DENND2A: variants seen among roughly 807,000 people sequenced by gnomAD.
DENND2A encodes DENN domain containing 2A.
A neutral mutation model predicts 105.3 loss-of-function variants in DENND2A; 53 were observed. The observed-to-expected ratio is 0.50, with a 90% CI of 0.40 to 0.63. The LOEUF (loss-of-function observed/expected upper bound fraction) is 0.63, where lower values mean the gene tolerates loss of function less well. Among genes scored for constraint, DENND2A ranks in the 30% least tolerant of loss-of-function variants. The pLI, the probability that DENND2A is intolerant of heterozygous loss-of-function variation, is 0.00. For missense variants in DENND2A, 1,138 were observed against 1,279.6 expected (o/e 0.89, Z 1.69); for synonymous variants, 522 against 508.4 (o/e 1.03, Z -0.36).
intron 1 of DENND2A, among the ~76,000 whole-genome samples, chr7:140,636,905 G>A (rs904195883): frequency 2.0e-5 from 3 of 151,994 alleles, no homozygotes; most frequent in Non-Finnish European, 4.4e-5. Flanking sequence ...CTGTCGCCCA[G>A]GCTGGAATGT....
chr7:140,524,145 G>T (rs1020119351), intron 16 of DENND2A, among the ~76,000 whole-genome samples: 3 of 152,138 alleles, frequency 2.0e-5, no homozygotes, highest in South Asian at 2.1e-4. Flanking sequence ...GAGGGTCTTG[G>T]GAAGGGCCTA....
chr7:140,636,934 C>T (rs886883612), intron 1 of DENND2A, among the ~76,000 whole-genome samples: 3 of 152,040 alleles, frequency 2.0e-5, no homozygotes, highest in African/African-American at 7.2e-5. Context: ...AATCTTGGCT[C>T]ATGCAACCTC....
chr7:140,628,988 TAAA>T (rs1554483727), intron 1 of DENND2A, among the ~76,000 whole-genome samples: 1 of 152,082 alleles, frequency 6.6e-6, no homozygotes, highest in Non-Finnish European at 1.5e-5. Context: ...AAGCTAGAGA[TAAA>T]AGATATAAAC....
intron 1 of DENND2A, 88 bp from the exon 2 acceptor site, chr7:140,605,894 A>G (rs1799671395): frequency 6.6e-6 from 1 of 152,152 alleles, no homozygotes. Context: ...ACTCCAAACT[A>G]TTTATTCCTG....
At chr7:140,592,574 A>C (rs1799104599) in intron 3 of DENND2A, among the ~76,000 whole-genome samples, 1 of 146,716 alleles carries the variant, frequency 6.8e-6, no homozygotes. Context: ...TGAACTCCTG[A>C]CCTCAGGTGA....
intron 14 of DENND2A, 129 bp downstream of exon 14, chr7:140,544,489 C>A (rs1796811062): frequency 7.9e-7 from 1 of 1,263,376 alleles, no homozygotes; most frequent in African/African-American, 1.5e-5. Context: ...GTCACCGCGC[C>A]CAGCCTATTC....
intron 3 of DENND2A, among the ~76,000 whole-genome samples, chr7:140,592,078 GC>G (rs1799076915): frequency 7.5e-6 from 1 of 133,336 alleles, no homozygotes; most frequent in Non-Finnish European, 1.6e-5. Flanking sequence ...CGCTCTTGAC[GC>G]CCAGGCTCTT....
At chr7:140,588,824 C>T (rs1007777787) in intron 3 of DENND2A, among the ~76,000 whole-genome samples, 3 of 148,060 alleles carry the variant, frequency 2.0e-5, no homozygotes, top group Non-Finnish European at 4.4e-5. Flanking sequence ...ATCACTGCAA[C>T]CTCTGCCTCC....
At chr7:140,525,126 G>C (rs549604410) in intron 16 of DENND2A, among the ~76,000 whole-genome samples, 3 of 149,908 alleles carry the variant, frequency 2.0e-5, no homozygotes, top group Non-Finnish European at 4.4e-5. Context: ...GTTTGAGACC[G>C]GCCTGGGCAA....
chr7:140,604,475 T>C (rs1799623742), intron 2 of DENND2A, among the ~76,000 whole-genome samples: 1 of 152,258 alleles, frequency 6.6e-6, no homozygotes, highest in African/African-American at 2.4e-5. Flanking sequence ...AATTGTTCCA[T>C]CACCACTGGA....
In DENND2A at chr7:140,558,199, A is replaced by G. The variant is rs763094650; in HGVS notation, c.1903T>C (p.Phe635Leu). 9 of 1,613,224 alleles carry G rather than the reference A, an allele frequency of 5.6e-6. No homozygotes were observed. The highest frequency in any genetic ancestry group is 6.8e-6 in the Non-Finnish European group (8 of 1,179,378). Residue 635 changes from phenylalanine to leucine, a missense_variant, in exon 11 of 20, where the codon TTT becomes CTT. By Grantham distance (22) the Phe-to-Leu change is conservative. This residue lies in a region of DENND2A where 627 missense variants were observed against 779.8 expected (regional missense o/e 0.80). Transcript: ENST00000496613. ...CTCCCATCTTCTCCAGTTAAGACAA[A>G]TGAGAATGTTTCACTGTGGTTGGGA... ...VQQFTSETFS[F>L]VLTGEDGSRR...
At chr7:140,532,421 T>C (rs1796303811) in intron 14 of DENND2A, among the ~76,000 whole-genome samples, 1 of 152,224 alleles carries the variant, frequency 6.6e-6, no homozygotes, top group Non-Finnish European at 1.5e-5. Flanking sequence ...TTCCCTAGTC[T>C]TTGAAACTCT....
intron 12 of DENND2A, among the ~76,000 whole-genome samples, chr7:140,552,444 A>G (rs1292117988): frequency 4.7e-5 from 7 of 150,122 alleles, no homozygotes; most frequent in Admixed American, 3.3e-4. Flanking sequence ...CCAAGGCTGG[A>G]GTGCACTGGT....
intron 14 of DENND2A, among the ~76,000 whole-genome samples, chr7:140,542,957 G>C (rs1304882814): frequency 6.6e-6 from 1 of 152,020 alleles, no homozygotes; most frequent in African/African-American, 2.4e-5. Flanking sequence ...CTGACTACTT[G>C]TTCTGAGTGT....
chr7:140,583,707 A>G (rs1563157849), intron 5 of DENND2A, among the ~76,000 whole-genome samples: 1 of 150,286 alleles, frequency 6.7e-6, no homozygotes, highest in Non-Finnish European at 1.5e-5. Flanking sequence ...AGGCGGGCAG[A>G]TCACAAGGTC....
Position 140,555,660 on chromosome 7 carries a change from C to T in DENND2A, c.2013G>A (p.Leu671=). The stretch of plus-strand genomic sequence containing the variant: ...CCCTTGAAAAGAGGCTGAAGCATCC[C>T]AGGCGGCTCACAATGCAGTAAACTT... The part of the protein sequence containing the change: ...LPEVYCIVSR[L]GCFSLFSRIL... The change falls in exon 12 of 20, where the codon CTG becomes CTA. Residue 671 remains leucine (L), a synonymous_variant. Transcript: ENST00000496613. 2 of 1,609,830 alleles carry T rather than the reference C, an allele frequency of 1.2e-6. No individual in the cohort carries two copies. The highest frequency in any genetic ancestry group is 1.7e-6 in the Non-Finnish European group (2 of 1,178,828).
intron 9 of DENND2A, among the ~76,000 whole-genome samples, chr7:140,561,865 A>G (rs1404333702): frequency 1.3e-5 from 2 of 151,588 alleles, no homozygotes; most frequent in Non-Finnish European, 2.9e-5. Context: ...TGTTTCCAAT[A>G]GCTTGCTAGT....
At chr7:140,573,283 G>C (rs1798169131) in intron 6 of DENND2A, among the ~76,000 whole-genome samples, 1 of 152,204 alleles carries the variant, frequency 6.6e-6, no homozygotes, top group South Asian at 2.1e-4. Flanking sequence ...AATGAAGAGA[G>C]ACCAGAACTG....
chr7:140,613,179 G>A (rs535705668), intron 1 of DENND2A, among the ~76,000 whole-genome samples: 1 of 152,038 alleles, frequency 6.6e-6, no homozygotes, highest in Admixed American at 6.5e-5. Flanking sequence ...TACTGGAGGA[G>A]CTGAAGCAGG....
Sources: gnomAD v4.1 joint callset for allele counts (sites outside exome capture counted in the v4.1 genomes callset) on GRCh38, gnomAD v4.1.1 for gene constraint, gnomAD v4.1.1 regional missense constraint, MANE v1.5 for transcripts, NCBI Gene and HGNC (gene_info 2026-07-23, HGNC 2026-07-21) for gene names.